Variants in KCNK2 observed in about 807,000 individuals in gnomAD.
KCNK2 encodes potassium channel subfamily K member 2.
A neutral mutation model predicts 40.5 loss-of-function variants in KCNK2; 21 were observed. That is an observed-to-expected ratio of 0.52 (90% confidence interval 0.37 to 0.75). KCNK2 has a LOEUF of 0.75. Among genes scored for constraint, KCNK2 ranks in the 30% least tolerant of loss-of-function variants. The pLI is 0.00. For synonymous variants in KCNK2, 191 were observed against 202.2 expected (o/e 0.94, Z 0.47); for missense variants, 399 against 531.6 (o/e 0.75, Z 2.45).
At chr1:215,168,158 A>G (rs986578753) in intron 3 of KCNK2, among the ~76,000 whole-genome samples, 1 of 152,234 alleles carries the variant, frequency 6.6e-6, no homozygotes, top group Admixed American at 6.5e-5. Context: ...CAAAAGCACA[A>G]TGAGATACCA....
At chr1:215,111,381 T>G (rs1660677918) in intron 2 of KCNK2, among the ~76,000 whole-genome samples, 1 of 152,130 alleles carries the variant, frequency 6.6e-6, no homozygotes, top group Non-Finnish European at 1.5e-5. Flanking sequence ...TATTATTTGT[T>G]GTATATATTC....
rs372286274 is a variant in KCNK2 at position 215,176,608 on chromosome 1, G to C, written c.823+4425G>C. The stretch of plus-strand genomic sequence containing the variant: ...GTGGTGTTTGGTTTTCTGTTCTTGT[G>C]TTAGTTTGCTGAGGATAATGGCTTC... On this transcript the variant is annotated intron_variant, in intron 5 of 6. Coordinates refer to ENST00000444842, the MANE Select transcript of KCNK2 (RefSeq NM_001017425.3). 5.6e-4 allele frequency among the ~76,000 whole-genome samples: 86 copies of C among 152,252 alleles called. No homozygotes were observed. In the South Asian group the frequency reaches 0.018, roughly 31 times the overall value.
At chr1:215,129,288 T>G (rs188826171) in intron 3 of KCNK2, among the ~76,000 whole-genome samples, 1 of 152,164 alleles carries the variant, frequency 6.6e-6, no homozygotes, top group African/African-American at 2.4e-5. Flanking sequence ...TTAGGAAGAT[T>G]CATTTTAGTC....
intron 2 of KCNK2, among the ~76,000 whole-genome samples, chr1:215,093,572 A>G (rs1659799173): frequency 9.3e-6 from 1 of 107,680 alleles, no homozygotes; most frequent in South Asian, 2.5e-4. Context: ...TATATAATAT[A>G]TAGTATATAT....
At chr1:215,079,837 G>A (rs530899916), upstream of KCNK2, among the ~76,000 whole-genome samples, 9 of 152,286 alleles carry the variant, frequency 5.9e-5, no homozygotes, top group Non-Finnish European at 1.2e-4. Context: ...GGCTTTTAAC[G>A]GGGGCAGACT....
intron 2 of KCNK2, among the ~76,000 whole-genome samples, chr1:215,118,800 C>A (rs1457501349): frequency 1.3e-5 from 2 of 152,064 alleles, no homozygotes; most frequent in African/African-American, 4.8e-5. Flanking sequence ...TTGGTATAAA[C>A]TAATTAGGTG....
intron 1 of KCNK2, among the ~76,000 whole-genome samples, chr1:215,011,611 A>AGAGGAATGCACTTACATTCATCC (rs1457909853): frequency 2.4e-5 from 3 of 127,038 alleles, no homozygotes; most frequent in African/African-American, 2.9e-5. Context: ...ATTTTTTTTT[A>AGAGGAATGCACTTACATTCATCC]TTTTTATTTT....
intron 1 of KCNK2, among the ~76,000 whole-genome samples, chr1:215,074,770 C>T (rs1171494062): frequency 1.3e-5 from 2 of 152,102 alleles, no homozygotes; most frequent in African/African-American, 4.8e-5. Flanking sequence ...GAGGATTTAC[C>T]TGTGATGCCA....
At chr1:215,093,031 T>C (rs940632868) in intron 2 of KCNK2, among the ~76,000 whole-genome samples, 1 of 152,216 alleles carries the variant, frequency 6.6e-6, no homozygotes, top group East Asian at 1.9e-4. Context: ...AGTTTGGAGT[T>C]TGCGGGAGGG....
intron 6 of KCNK2, among the ~76,000 whole-genome samples, chr1:215,200,716 A>G (rs1286934188): frequency 6.6e-6 from 1 of 152,188 alleles, no homozygotes; most frequent in African/African-American, 2.4e-5. Context: ...GATAGAGATG[A>G]AAGTTCAGAT....
At chr1:215,112,103 C>T (rs1488326201) in intron 2 of KCNK2, among the ~76,000 whole-genome samples, 5 of 151,948 alleles carry the variant, frequency 3.3e-5, no homozygotes, top group Admixed American at 6.6e-5. Context: ...ACTTCTAGAG[C>T]GTGTTAGGTC....
intron 6 of KCNK2, among the ~76,000 whole-genome samples, chr1:215,210,149 A>C (rs1665676145): frequency 6.9e-6 from 1 of 144,886 alleles, no homozygotes; most frequent in Non-Finnish European, 1.5e-5. Flanking sequence ...TATATAGTAC[A>C]TATAGTATAT....
At chr1:215,044,986 C>CGGCTAACAA (rs1657716308) in intron 1 of KCNK2, among the ~76,000 whole-genome samples, 2 of 147,552 alleles carry the variant, frequency 1.4e-5, no homozygotes, top group South Asian at 4.4e-4. Context: ...CTGGCTAACA[C>CGGCTAACAA]GGTGAAACCG....
chr1:215,126,936 T>C (rs1337153689), intron 3 of KCNK2, among the ~76,000 whole-genome samples: 2 of 152,150 alleles, frequency 1.3e-5, no homozygotes, highest in Non-Finnish European at 2.9e-5. Context: ...GACTAGGTTA[T>C]GGTGGTCTTG....
intron 6 of KCNK2, among the ~76,000 whole-genome samples, chr1:215,209,981 T>TATATATA (rs1253783803): frequency 3.0e-4 from 2 of 6,584 alleles, no homozygotes; most frequent in African/African-American, 5.4e-4. Context: ...TTATATATAT[T>TATATATA]ATATATAATA....
At chr1:215,190,612 C>T (rs958691804) in intron 5 of KCNK2, among the ~76,000 whole-genome samples, 1 of 152,114 alleles carries the variant, frequency 6.6e-6, no homozygotes, top group African/African-American at 2.4e-5. Context: ...GTTGGGATTT[C>T]AAGGAGCCCA....
At chr1:215,229,449 A>C (rs1056893164) in intron 6 of KCNK2, among the ~76,000 whole-genome samples, 1 of 152,020 alleles carries the variant, frequency 6.6e-6, no homozygotes, top group South Asian at 2.1e-4. Context: ...GAATCATTTG[A>C]GCTCACAAGA....
intron 3 of KCNK2, among the ~76,000 whole-genome samples, chr1:215,136,090 G>GT (rs1446730741): frequency 2.6e-5 from 4 of 151,522 alleles, no homozygotes; most frequent in Admixed American, 1.3e-4. Flanking sequence ...ATTCAAAATA[G>GT]TGTATAATGT....
At position 215,165,347 on chromosome 1, in the gene KCNK2, A is replaced by G. The variant is rs1160404447; in HGVS notation, c.476-3852A>G. Among the ~76,000 whole-genome samples the G allele has an allele frequency of 2.6e-5, 4 of 152,142 alleles. No individual in the cohort carries two copies. In the East Asian group the frequency reaches 7.7e-4, roughly 29 times the overall value. On this transcript the variant is annotated intron_variant, in intron 3 of 6. Transcript: ENST00000444842. ...ATTCCTTCAACTTTTATATGTGAAA[A>G]GTTGCCTTAGCATACAGCATGCTAT... is the stretch of plus-strand genomic sequence containing the variant.
Sources: gnomAD v4.1 joint callset for allele counts (sites outside exome capture counted in the v4.1 genomes callset) on GRCh38, gnomAD v4.1.1 for gene constraint, MANE v1.5 for transcripts, NCBI Gene and HGNC (gene_info 2026-07-23, HGNC 2026-07-21) for gene names.